The following EFHD1 variants were observed in gnomAD, a reference collection of about 807,000 sequenced individuals.
The protein encoded by EFHD1 is EF-hand domain-containing protein D1.
A neutral mutation model predicts 17.2 loss-of-function variants in EFHD1; 10 were observed. The ratio of observed to expected loss-of-function variants is 0.58; its 90% CI spans 0.36 to 0.99. The LOEUF (loss-of-function observed/expected upper bound fraction) is 0.99, where lower values mean the gene tolerates loss of function less well. Ranked by LOEUF, EFHD1 falls within the 50% of genes least tolerant of loss-of-function variation. The probability of loss-of-function intolerance (pLI) is 0.01; values close to 1 mark genes in which losing one functional copy is unlikely to be tolerated. For synonymous variants in EFHD1, 153 were observed against 142.0 expected, an observed-to-expected ratio of 1.08 and a Z score of -0.55; for missense variants, 310 against 327.5, an observed-to-expected ratio of 0.95 and a Z score of 0.41.
chr2:232,616,587 C>T (rs981566798), intron 1 of EFHD1, among the ~76,000 whole-genome samples: 25 of 152,192 alleles, frequency 1.6e-4, no homozygotes, highest in Non-Finnish European at 3.1e-4. Context: ...GCGTGAGCCA[C>T]CACACCTAGC....
At chr2:232,681,358 G>C (rs187661951) in intron 3 of EFHD1, among the ~76,000 whole-genome samples, 26 of 152,262 alleles carry the variant, frequency 1.7e-4, no homozygotes, top group Middle Eastern at 6.8e-3. Flanking sequence ...GAAGCACATG[G>C]GGGCACAGCA....
chr2:232,663,085 A>C lies in EFHD1; in HGVS notation c.450+136A>C, dbSNP rs1694905764. ...GTATCTAACCTGCAATTCCGCTTTCAAAAATACCTTTTAGGTGACAGCTAA... is the reference window on the plus strand; with the variant it reads ...GTATCTAACCTGCAATTCCGCTTTCCAAAATACCTTTTAGGTGACAGCTAA... On this transcript the variant is annotated intron_variant, in intron 2 of 3. Transcript: ENST00000264059. The C allele has an allele frequency of 4.8e-6, 5 of 1,045,842 alleles. No homozygotes were observed. The Admixed American group carries it at 1.7e-4, about 35-fold the overall frequency. The allele number at this position is 1,045,842 out of a possible 1,614,324, so 64.8% of individuals were successfully genotyped here. A position where few individuals can be genotyped will look rare whatever the true frequency, so the allele number is the denominator to read the frequency against.
intron 1 of EFHD1, among the ~76,000 whole-genome samples, chr2:232,652,679 G>A (rs559004390): frequency 6.6e-6 from 1 of 152,056 alleles, no homozygotes; most frequent in Non-Finnish European, 1.5e-5. Flanking sequence ...ACAATGCCTC[G>A]TGAACTGCAA....
intron 1 of EFHD1, among the ~76,000 whole-genome samples, chr2:232,655,802 C>CTTT (rs66762860): frequency 4.1e-4 from 55 of 133,284 alleles, no homozygotes; most frequent in African/African-American, 9.4e-4. Flanking sequence ...TGTGTGGGGT[C>CTTT]TTTTTTTTTT....
chr2:232,611,802 G>A (rs1428196785), intron 1 of EFHD1: 1 of 152,296 alleles, frequency 6.6e-6, no homozygotes, highest in Admixed American at 6.5e-5. Context: ...GGTTCCCGCA[G>A]CAGCCAGCAG....
intron 1 of EFHD1, among the ~76,000 whole-genome samples, chr2:232,661,035 C>G (rs1315072707): frequency 6.6e-6 from 1 of 151,928 alleles, no homozygotes; most frequent in Non-Finnish European, 1.5e-5. Flanking sequence ...GTAATTCCAG[C>G]TACTTGGGAG....
At chr2:232,670,816 A>G (rs988606471) in intron 2 of EFHD1, among the ~76,000 whole-genome samples, 5 of 152,232 alleles carry the variant, frequency 3.3e-5, no homozygotes, top group African/African-American at 1.2e-4. Flanking sequence ...CAAGTGATAG[A>G]GCTAAAATAT....
At chr2:232,659,832 G>A (rs1694825007) in intron 1 of EFHD1, among the ~76,000 whole-genome samples, 1 of 152,212 alleles carries the variant, frequency 6.6e-6, no homozygotes, top group Non-Finnish European at 1.5e-5. Context: ...GGCTTCTGGG[G>A]AGGCCTCAGG....
At chr2:232,627,984 A>G (rs1040308006) in intron 1 of EFHD1, among the ~76,000 whole-genome samples, 10 of 152,168 alleles carry the variant, frequency 6.6e-5, no homozygotes, top group East Asian at 3.8e-4. Context: ...TTTACAATTT[A>G]ATGAGGCACG....
At chr2:232,654,445 G>C (rs571146407) in intron 1 of EFHD1, among the ~76,000 whole-genome samples, 32 of 108,762 alleles carry the variant, frequency 2.9e-4, no homozygotes, top group South Asian at 1.2e-3. Context: ...TTTTGAGACA[G>C]AGTCTCACTC....
intron 2 of EFHD1, among the ~76,000 whole-genome samples, chr2:232,667,692 A>G (rs1298427323): frequency 6.6e-6 from 1 of 152,002 alleles, no homozygotes; most frequent in East Asian, 1.9e-4. Flanking sequence ...AGCTGGGATT[A>G]CAAGCATGCG....
At chr2:232,613,091 A>T (rs964235912) in intron 1 of EFHD1, among the ~76,000 whole-genome samples, 5 of 151,880 alleles carry the variant, frequency 3.3e-5, no homozygotes, top group Admixed American at 6.6e-5. Context: ...ATTCCTAGGT[A>T]ATTAACCACC....
chr2:232,610,377 C>A (rs1693791289), intron 1 of EFHD1, among the ~76,000 whole-genome samples: 1 of 152,196 alleles, frequency 6.6e-6, no homozygotes, highest in African/African-American at 2.4e-5. Context: ...GACCCTGCCC[C>A]TGTCATTCCA....
intron 1 of EFHD1, among the ~76,000 whole-genome samples, chr2:232,624,259 C>A (rs73995827): frequency 1.1e-3 from 175 of 152,220 alleles, no homozygotes; most frequent in African/African-American, 4.0e-3. Flanking sequence ...GCTAATCAGC[C>A]CCCTGGGGGT....
intron 1 of EFHD1, among the ~76,000 whole-genome samples, chr2:232,607,252 G>C (rs1309627748): frequency 2.0e-5 from 3 of 151,948 alleles, no homozygotes; most frequent in Non-Finnish European, 2.9e-5. Context: ...CACCAGCCTG[G>C]GCAACATAGT....
chr2:232,607,217 G>A (rs894311202), intron 1 of EFHD1, among the ~76,000 whole-genome samples: 1 of 151,952 alleles, frequency 6.6e-6, no homozygotes, highest in East Asian at 2.0e-4. Context: ...CAGGGCAGTC[G>A]GATCACTTGA....
At chr2:232,678,682 C>G (rs1182249119) in intron 3 of EFHD1, among the ~76,000 whole-genome samples, 14 of 152,168 alleles carry the variant, frequency 9.2e-5, no homozygotes, top group Admixed American at 9.2e-4. Context: ...ACTCGGGAGA[C>G]TGAGGCAGGA....
At chr2:232,645,654 A>G (rs895090919) in intron 1 of EFHD1, among the ~76,000 whole-genome samples, 1 of 152,048 alleles carries the variant, frequency 6.6e-6, no homozygotes, top group African/African-American at 2.4e-5. Context: ...GACTTCATGG[A>G]TCATTGGGTA....
intron 1 of EFHD1, among the ~76,000 whole-genome samples, chr2:232,647,416 G>A (rs12694910): frequency 6.6e-6 from 1 of 152,110 alleles, no homozygotes; most frequent in Non-Finnish European, 1.5e-5. Context: ...CTGGGCCACT[G>A]CACACCCCCT....
Sources: gnomAD v4.1 joint callset for allele counts (sites outside exome capture counted in the v4.1 genomes callset) on GRCh38, gnomAD v4.1.1 for gene constraint, MANE v1.5 for transcripts, NCBI Gene and HGNC (gene_info 2026-07-23, HGNC 2026-07-21) for gene names.